FXR2: variants seen among roughly 807,000 people sequenced by gnomAD.
FXR2 encodes the protein RNA-binding protein FXR2.
Under a neutral mutation model 87.3 loss-of-function variants are expected in FXR2, and 9 were observed. The observed-to-expected ratio is 0.10, with a 90% confidence interval of 0.06 to 0.18. The LOEUF (loss-of-function observed/expected upper bound fraction) is 0.18. FXR2 is among the 10% of genes least tolerant of loss of function. The probability of loss-of-function intolerance (pLI) is 1.00; values close to 1 mark genes in which losing one functional copy is unlikely to be tolerated. For missense variants in FXR2, 661 were observed against 893.6 expected (o/e 0.74, Z 3.32); for synonymous variants, 331 against 328.3 (o/e 1.01, Z -0.09).
Position 7,605,707 on chromosome 17 carries a change from C to T in FXR2, c.166G>A (p.Asp56Asn), listed in dbSNP as rs1165067780. ...TCAGCTGGAGGTGGTAGCCGGACATCCCCAAAAGGAATTTGTCTCTCACTC... is the reference window on the plus strand; with the variant it reads ...TCAGCTGGAGGTGGTAGCCGGACATTCCCAAAAGGAATTTGTCTCTCACTC... Reference protein sequence around the residue: ...WQSERQIPFGDVRLPPPADYN... With the variant: ...WQSERQIPFGNVRLPPPADYN... Residue 56 changes from aspartate (D) to asparagine (N), a missense_variant, in exon 3 of 17, where the codon GAT (aspartate) becomes AAT (asparagine). Asp to Asn is a conservative substitution (Grantham distance 23). Coordinates refer to ENST00000250113, the MANE Select transcript of FXR2 (RefSeq NM_004860.4). 4.4e-6 allele frequency: 7 copies of T among 1,595,212 alleles called. No individual in the cohort carries two copies. The highest frequency in any genetic ancestry group is 6.0e-6 in the Non-Finnish European group (7 of 1,164,270).
chr17:7,593,869 T>C lies in FXR2; in HGVS notation c.1107+49A>G, dbSNP rs1435049003. ...ATCCCTGAGCTGACCCCCACAGCAG[T>C]CTTAGTTCCCTTTTCACACCCAGCA... On this transcript the variant is annotated intron_variant, in intron 11 of 16. Transcript: ENST00000250113. The surrounding 1 kb of genome is among the most constrained non-coding windows in gnomAD (Gnocchi z 6.1). The C allele has an allele frequency of 8.4e-7, 1 of 1,187,672 alleles. No homozygotes were observed. Among genetic ancestry groups the C allele is most frequent in the African/African-American group, 1.5e-5 (1 of 66,846 alleles). The allele number at this position is 1,187,672 out of a possible 1,614,324, so 73.6% of individuals were successfully genotyped here. A position where few individuals can be genotyped will look rare whatever the true frequency, so the allele number is the denominator to read the frequency against.
chr17:7,591,966 G>A lies in FXR2; in HGVS notation c.1927-41C>T, dbSNP rs187014451. The A allele has an allele frequency of 1.1e-3, 1,447 of 1,320,788 alleles. 1 individual carries two copies. Among genetic ancestry groups the A allele is most frequent in the Non-Finnish European group, 1.4e-3 (1,305 of 928,644 alleles). The allele number at this position is 1,320,788 out of a possible 1,614,324, so 81.8% of individuals were successfully genotyped here. A position where few individuals can be genotyped will look rare whatever the true frequency, so the allele number is the denominator to read the frequency against. On this transcript the variant is annotated intron_variant, in intron 16 of 16. Transcript: ENST00000250113. The surrounding 1 kb of genome is among the most constrained non-coding windows in gnomAD (Gnocchi z 4.0). ...GAAAGAAAACAGAAAAGCAAGAAGCGGTGAGTAGAAATTCAGGTGGGAGAC... is the reference window on the plus strand; with the variant it reads ...GAAAGAAAACAGAAAAGCAAGAAGCAGTGAGTAGAAATTCAGGTGGGAGAC...
In FXR2 at chr17:7,594,059, T is replaced by G. The variant is rs2071688841; in HGVS notation, c.1021-55A>C. ...CAGAAAGGAAAATGAAATGGAAGGATTAACGCCGCCCAGTCTCCTAGGGGA... is the reference window on the plus strand; with the variant it reads ...CAGAAAGGAAAATGAAATGGAAGGAGTAACGCCGCCCAGTCTCCTAGGGGA... On this transcript the variant is annotated intron_variant, in intron 10 of 16. Coordinates refer to ENST00000250113, the MANE Select transcript of FXR2 (RefSeq NM_004860.4). The surrounding 1 kb of genome is among the most constrained non-coding windows in gnomAD (Gnocchi z 5.1). 2.5e-6 allele frequency: 3 copies of G among 1,200,638 alleles called. No homozygotes were observed. The Admixed American group carries it at 5.1e-5, about 20-fold the overall frequency. 74.4% of individuals were successfully genotyped at this position (1,200,638 alleles called of 1,614,324 possible). A position where few individuals can be genotyped will look rare whatever the true frequency, so the allele number is the denominator to read the frequency against.
Position 7,592,221 on chromosome 17 carries a change from A to G in FXR2, c.1926+33T>C. The stretch of plus-strand genomic sequence containing the variant: ...CCCTGCCCCAGAGTAACAACAAAAA[A>G]GGGATGGGGTAAAGCACATCTTGCC... On this transcript the variant is annotated intron_variant, in intron 16 of 16. Transcript: ENST00000250113. The surrounding 1 kb of genome is among the most constrained non-coding windows in gnomAD (Gnocchi z 4.8). 2 of 1,551,198 alleles carry G rather than the reference A, an allele frequency of 1.3e-6. No homozygotes were observed. The highest frequency in any genetic ancestry group is 1.1e-5 in the South Asian group (1 of 88,612).
At chr17:7,605,973 G>A in intron 2 of FXR2, 124 bp downstream of exon 2, 1 of 705,182 alleles carries the variant, frequency 1.4e-6, no homozygotes, top group Non-Finnish European at 2.4e-6. Flanking sequence ...GGATCCATAT[G>A]AGTTCCCACC....
At chr17:7,613,814 G>T in intron 1 of FXR2, 1 of 347,526 alleles carries the variant, frequency 2.9e-6, no homozygotes, top group South Asian at 2.2e-5. Flanking sequence ...TGGGGAGAGA[G>T]ACTTGCGAAA....
intron 3 of FXR2, among the ~76,000 whole-genome samples, chr17:7,605,267 C>T (rs1185661437): frequency 6.6e-6 from 1 of 152,048 alleles, no homozygotes; most frequent in African/African-American, 2.4e-5. Flanking sequence ...ACTTGGGAGG[C>T]TGAGGTGGAA....
At chr17:7,602,779 G>A in intron 6 of FXR2, 130 bp downstream of exon 6, 1 of 600,730 alleles carries the variant, frequency 1.7e-6, no homozygotes, top group Non-Finnish European at 3.0e-6. Context: ...TAGGAGTCAG[G>A]AGCAATAAAG....
intron 7 of FXR2, 65 bp downstream of exon 7, chr17:7,601,344 G>C (rs1567750707): frequency 5.6e-6 from 5 of 887,006 alleles, no homozygotes; most frequent in Non-Finnish European, 7.7e-6. Flanking sequence ...ATCATGGATG[G>C]AGGACAGGGT....
At position 7,603,676 on chromosome 17, in the gene FXR2, T is replaced by C; in HGVS notation, c.449+81A>G. Reference sequence around the variant, plus strand: ...GGGAACAACAGAGAAAACTGCAAAGTGGGAGTGATGCCTGGGAGAAATAAA... The same window carrying C: ...GGGAACAACAGAGAAAACTGCAAAGCGGGAGTGATGCCTGGGAGAAATAAA... On this transcript the variant is annotated intron_variant, in intron 5 of 16. Coordinates refer to ENST00000250113, the MANE Select transcript of FXR2 (RefSeq NM_004860.4). 2.2e-6 allele frequency: 3 copies of C among 1,388,334 alleles called. No homozygotes were observed. The South Asian group carries it at 3.6e-5, about 17-fold the overall frequency. The allele number at this position is 1,388,334 out of a possible 1,614,324, so 86.0% of individuals were successfully genotyped here. A position where few individuals can be genotyped will look rare whatever the true frequency, so the allele number is the denominator to read the frequency against.
In FXR2 at chr17:7,592,766, T is replaced by G. The variant is rs776510085; in HGVS notation, c.1657A>C (p.Thr553Pro). 6 of 1,613,138 alleles carry G rather than the reference T, an allele frequency of 3.7e-6. No homozygotes were observed. Among genetic ancestry groups the G allele is most frequent in the Non-Finnish European group, 5.1e-6 (6 of 1,179,658 alleles). Residue 553 changes from threonine (T) to proline (P), a missense_variant, in exon 14 of 17, where the codon ACT becomes CCT. Coordinates refer to ENST00000250113, the MANE Select transcript of FXR2 (RefSeq NM_004860.4). The surrounding 1 kb of genome is among the most constrained non-coding windows in gnomAD (Gnocchi z 4.8). Reference protein sequence around the residue: ...ARRRRSRRRRTDEDRTVMDGG... With the variant: ...ARRRRSRRRRPDEDRTVMDGG... ...TCCATGACGGTCCTGTCTTCATCAG[T>G]GCGGCGGCGGCGGGAGCGGCGGCGC...
intron 1 of FXR2, among the ~76,000 whole-genome samples, chr17:7,607,459 ACT>A (rs1245957862): frequency 1.3e-5 from 2 of 151,760 alleles, no homozygotes; most frequent in African/African-American, 4.8e-5. Context: ...ACAGAGTCTC[ACT>A]CTGTCACCCA....
Position 7,592,099 on chromosome 17 carries a change from T to G in FXR2, c.1926+155A>C. 2 of 1,466,612 alleles carry G rather than the reference T, an allele frequency of 1.4e-6. No individual in the cohort carries two copies. Among genetic ancestry groups the G allele is most frequent in the Non-Finnish European group, 1.8e-6 (2 of 1,108,938 alleles). The allele number at this position is 1,466,612 out of a possible 1,614,324, so 90.8% of individuals were successfully genotyped here. Reference sequence around the variant, plus strand: ...GGATCCAGAAAATGTGAACCACACTTTCTTCTCTATCCTATTCAAAGTTTA... The same window carrying G: ...GGATCCAGAAAATGTGAACCACACTGTCTTCTCTATCCTATTCAAAGTTTA... On this transcript the variant is annotated intron_variant, in intron 16 of 16. Coordinates refer to ENST00000250113, the MANE Select transcript of FXR2 (RefSeq NM_004860.4). This position sits in a 1 kb window ranked among gnomAD's most constrained non-coding sequence, Gnocchi z 4.8.
chr17:7,610,007 T>TAC lies in FXR2; in HGVS notation c.82-3859_82-3858insGT, dbSNP rs2071846440. Among the ~76,000 whole-genome samples the TAC allele has an allele frequency of 7.8e-5, 6 of 76,964 alleles. 1 individual carries two copies. The highest frequency in any genetic ancestry group is 2.9e-4 in the African/African-American group (6 of 20,726). 50.5% of individuals were successfully genotyped at this position (76,964 alleles called of 152,430 possible). A position where few individuals can be genotyped will look rare whatever the true frequency, so the allele number is the denominator to read the frequency against. On this transcript the variant is annotated intron_variant, in intron 1 of 16. Coordinates refer to ENST00000250113, the MANE Select transcript of FXR2 (RefSeq NM_004860.4). ...ATATATATACATGTATATGTATACATATATATATACATGTATATGTATACA... is the reference window on the plus strand; with the variant it reads ...ATATATATACATGTATATGTATACATACATATATATACATGTATATGTATACA...
chr17:7,609,971 T>C (rs1459507167), intron 1 of FXR2, among the ~76,000 whole-genome samples: 1 of 103,592 alleles, frequency 9.7e-6, no homozygotes, highest in African/African-American at 2.9e-5. Flanking sequence ...TATACATGTA[T>C]ATGTATACAT....
At position 7,614,609 on chromosome 17, in the gene FXR2, C is replaced by G. The variant is rs1174369606; in HGVS notation, c.-77G>C. On this transcript the variant is annotated 5_prime_UTR_variant, in exon 1 of 17. Coordinates refer to ENST00000250113, the MANE Select transcript of FXR2 (RefSeq NM_004860.4). ...AGTGCGGGCCGGGCCAGGCCCCCGG[C>G]GTCTCCCCGGAGGAGGAGCCGGAGG... 2 of 935,580 alleles carry G rather than the reference C, an allele frequency of 2.1e-6. No individual in the cohort carries two copies. The highest frequency in any genetic ancestry group is 2.8e-6 in the Non-Finnish European group (2 of 704,238). 58.0% of individuals were successfully genotyped at this position (935,580 alleles called of 1,614,324 possible). A position where few individuals can be genotyped will look rare whatever the true frequency, so the allele number is the denominator to read the frequency against.
intron 1 of FXR2, among the ~76,000 whole-genome samples, chr17:7,606,392 A>G (rs2071803434): frequency 1.3e-5 from 2 of 152,152 alleles, no homozygotes; most frequent in Admixed American, 1.3e-4. Context: ...CCTGGAAACC[A>G]ATGATCTACT....
rs560322755 is a variant in FXR2 at position 7,592,809 on chromosome 17, G to A, written c.1614C>T (p.Pro538=). Residue 538 remains proline (P), a synonymous_variant, in exon 14 of 17, where the codon CCC becomes CCT. Transcript: ENST00000250113. This position sits in a 1 kb window ranked among gnomAD's most constrained non-coding sequence, Gnocchi z 4.8. Reference sequence around the variant, plus strand: ...GGCGGCGCCTGGCACTTGCTGGGGGGGGTTCCCCAGGTTCTGAATCAACCG... The same window carrying A: ...GGCGGCGCCTGGCACTTGCTGGGGGAGGTTCCCCAGGTTCTGAATCAACCG... ...EPPVDSEPGE[P]PPASARRRRS... is the part of the protein sequence containing the mutation. 9 of 1,613,380 alleles carry A rather than the reference G, an allele frequency of 5.6e-6. No individual in the cohort carries two copies. The highest frequency in any genetic ancestry group is 2.2e-5 in the East Asian group (1 of 44,854).
chr17:7,595,698 T>C lies in FXR2; in HGVS notation c.831+126A>G, dbSNP rs1052518493. The C allele has an allele frequency of 3.2e-5, 22 of 687,440 alleles. No homozygotes were observed. Among genetic ancestry groups the C allele is most frequent in the African/African-American group, 2.7e-4 (15 of 55,516 alleles). The allele number at this position is 687,440 out of a possible 1,614,324, so 42.6% of individuals were successfully genotyped here. ...CCTAGGCTCAAGTGATCCTCTCACT[T>C]TGACCTCCGAAGGTGCTGGGATTAC... On this transcript the variant is annotated intron_variant, in intron 8 of 16. Transcript: ENST00000250113. The surrounding 1 kb of genome is among the most constrained non-coding windows in gnomAD (Gnocchi z 4.7).
Sources: gnomAD v4.1 joint callset for allele counts (sites outside exome capture counted in the v4.1 genomes callset) on GRCh38, gnomAD v4.1.1 for gene constraint, Gnocchi (gnomAD v3.1) non-coding constraint, MANE v1.5 for transcripts, NCBI Gene and HGNC (gene_info 2026-07-23, HGNC 2026-07-21) for gene names.